The following LSM11 variants were observed in gnomAD, a reference collection of about 807,000 sequenced individuals.
LSM11 encodes the protein LSM11, U7 small nuclear RNA associated, also known as U7 snRNA-associated Sm-like protein LSm11.
LSM11 carries 14 observed loss-of-function variants against 28.1 expected under a neutral mutation model. The ratio of observed to expected loss-of-function variants is 0.50; its 90% CI spans 0.33 to 0.78. LSM11 has a LOEUF of 0.78. Among genes scored for constraint, LSM11 ranks in the 30% least tolerant of loss-of-function variants. The pLI is 0.02. For synonymous variants in LSM11, 207 were observed against 214.2 expected (o/e 0.97, Z 0.30); for missense variants, 495 against 510.6 (o/e 0.97, Z 0.30).
intron 1 of LSM11, among the ~76,000 whole-genome samples, chr5:157,744,644 TGA>T (rs1761119431): frequency 6.6e-6 from 1 of 151,322 alleles, no homozygotes; most frequent in Non-Finnish European, 1.5e-5. Flanking sequence ...GAGACCACAG[TGA>T]GAGGTAAGGT....
chr5:157,752,162 C>CTTTT (rs3045954), intron 2 of LSM11, among the ~76,000 whole-genome samples: 6 of 140,116 alleles, frequency 4.3e-5, no homozygotes, highest in Admixed American at 7.1e-5. Flanking sequence ...TGCATGATGT[C>CTTTT]TTTTTTTTTT....
intron 1 of LSM11, among the ~76,000 whole-genome samples, chr5:157,744,883 A>C (rs1349959051): frequency 6.6e-6 from 1 of 152,246 alleles, no homozygotes; most frequent in African/African-American, 2.4e-5. Flanking sequence ...CTAAGTCACA[A>C]GTGCTGAAAT....
chr5:157,755,666 A>G lies in LSM11; in HGVS notation c.*402A>G. The G allele has an allele frequency of 4.9e-6, 2 of 407,116 alleles. No individual in the cohort carries two copies. The highest frequency in any genetic ancestry group is 8.7e-6 in the Non-Finnish European group (2 of 230,822). The allele number at this position is 407,116 out of a possible 1,614,324, so 25.2% of individuals were successfully genotyped here. On this transcript the variant is annotated 3_prime_UTR_variant, in exon 4 of 4. Coordinates refer to ENST00000286307, the MANE Select transcript of LSM11 (RefSeq NM_173491.4). ...AAGCTAGTGCCCTGAGTACTCATGA[A>G]TTCGATTCCAAGAGTAGTGGTGTAA...
At position 157,755,113 on chromosome 5, in the gene LSM11, GT is replaced by G; in HGVS notation, c.933del (p.Thr312ProfsTer32). 6.2e-7 allele frequency: 1 copy of G among 1,614,228 alleles called. No individual in the cohort carries two copies. The highest frequency in any genetic ancestry group is 2.2e-5 in the East Asian group (1 of 44,884). On this transcript the variant is annotated frameshift_variant, in exon 4 of 4. Coordinates refer to ENST00000286307, the MANE Select transcript of LSM11 (RefSeq NM_173491.4). LOFTEE classifies it high-confidence loss of function. ...TTRTDGSSVG[G>X]TFSRATTLSR... ...CGGACAGACGGCTCCAGTGTGGGAG[GT>G]ACCTTTTCCAGGGCTACCACCCTTT...
In LSM11 at chr5:157,756,746, A is replaced by C. The variant is rs1761334016; in HGVS notation, c.*1482A>C. Reference sequence around the variant, plus strand: ...CCTCACAGGGGCATTGAGAAAAAAAAAATGAAGGCATTTTACAGTCTCTAA... The same window carrying C: ...CCTCACAGGGGCATTGAGAAAAAAACAATGAAGGCATTTTACAGTCTCTAA... On this transcript the variant is annotated 3_prime_UTR_variant, in exon 4 of 4. Coordinates refer to ENST00000286307, the MANE Select transcript of LSM11 (RefSeq NM_173491.4). 1 of 152,630 alleles carries C rather than the reference A, an allele frequency of 6.6e-6. No individual in the cohort carries two copies. Among genetic ancestry groups the C allele is most frequent in the Non-Finnish European group, 1.5e-5 (1 of 68,044 alleles). The allele number at this position is 152,630 out of a possible 1,614,324, so 9.5% of individuals were successfully genotyped here.
At chr5:157,748,366 A>G (rs1330587256) in intron 1 of LSM11, among the ~76,000 whole-genome samples, 1 of 151,520 alleles carries the variant, frequency 6.6e-6, no homozygotes, top group Non-Finnish European at 1.5e-5. Flanking sequence ...GGCTAAAGCA[A>G]CTCCATCTTG....
In LSM11 at chr5:157,755,010, C is replaced by A. The variant is rs149328972; in HGVS notation, c.829C>A (p.Arg277Ser). ...RADTGRGSHK[R>S]SRSVPSSLQA... ...AGACACTGGCCGGGGCTCACACAAG[C>A]GTTCCCGCTCTGTCCCTTCTTCCCT... Residue 277 changes from arginine to serine, a missense_variant, in exon 4 of 4, where the codon CGT becomes AGT. Arg to Ser is a moderately radical substitution (Grantham distance 110). Transcript: ENST00000286307. The A allele has an allele frequency of 2.4e-5, 39 of 1,614,112 alleles. No individual in the cohort carries two copies. The African/African-American group carries it at 4.9e-4, about 20-fold the overall frequency.
chr5:157,743,987 C>A lies in LSM11; in HGVS notation c.237C>A (p.Gly79=), dbSNP rs1335814996. Residue 79 remains glycine, a synonymous_variant, in exon 1 of 4, where the codon GGC becomes GGA. Transcript: ENST00000286307. ...GGGRGRGRAR[G]AAAGSGVPAA... is the part of the protein sequence containing the mutation. Reference sequence around the variant, plus strand: ...GGCGCGGGCGCGGGCGGGCTCGGGGCGCGGCCGCGGGCTCTGGGGTTCCCG... The same window carrying A: ...GGCGCGGGCGCGGGCGGGCTCGGGGAGCGGCCGCGGGCTCTGGGGTTCCCG... 4 of 1,260,610 alleles carry A rather than the reference C, an allele frequency of 3.2e-6. No individual in the cohort carries two copies. Among genetic ancestry groups the A allele is most frequent in the Non-Finnish European group, 3.0e-6 (3 of 1,006,968 alleles). 78.1% of individuals were successfully genotyped at this position (1,260,610 alleles called of 1,614,324 possible).
intron 1 of LSM11, among the ~76,000 whole-genome samples, chr5:157,745,363 G>T (rs2113066857): frequency 6.6e-6 from 1 of 152,256 alleles, no homozygotes; most frequent in South Asian, 2.1e-4. Flanking sequence ...GCTGTTCCGT[G>T]TGCCTTCGTT....
At chr5:157,747,555 T>C (rs1761165850) in intron 1 of LSM11, 1 of 228,512 alleles carries the variant, frequency 4.4e-6, no homozygotes, top group African/African-American at 2.3e-5. Flanking sequence ...AAACCTGATT[T>C]ATTGGGCCTC....
rs139309711 is a variant in LSM11, at chr5:157,755,057, G to T, written c.876G>T (p.Glu292Asp). 6.2e-7 allele frequency: 1 copy of T among 1,614,222 alleles called. No homozygotes were observed. The highest frequency in any genetic ancestry group is 1.7e-5 in the Admixed American group (1 of 60,030). Residue 292 changes from glutamate (E) to aspartate (D), a missense_variant, in exon 4 of 4, where the codon GAG (glutamate) becomes GAT (aspartate). Transcript: ENST00000286307. ...CCCTGCAGGCCTCTGCAAGGGAGGA[G>T]TCCAGGTCAGAGCTGTCAGGGAGGA... ...PSSLQASARE[E>D]SRSELSGRTT...
rs1357423311 is a variant in LSM11, at chr5:157,759,061, C to G, written c.*3797C>G. 2.0e-5 allele frequency: 3 copies of G among 152,220 alleles called. No homozygotes were observed. Among genetic ancestry groups the G allele is most frequent in the Non-Finnish European group, 2.9e-5 (2 of 68,060 alleles). The allele number at this position is 152,220 out of a possible 1,614,324, so 9.4% of individuals were successfully genotyped here. A position where few individuals can be genotyped will look rare whatever the true frequency, so the allele number is the denominator to read the frequency against. ...CTGTGAGATGGTTAGCTAGAGTTAG[C>G]AGTGTCCGGGGAGAGTGGCTTTAGA... On this transcript the variant is annotated 3_prime_UTR_variant, in exon 4 of 4. Transcript: ENST00000286307.
intron 2 of LSM11, among the ~76,000 whole-genome samples, chr5:157,752,284 C>T (rs1220844441): frequency 1.3e-5 from 2 of 151,826 alleles, no homozygotes; most frequent in Non-Finnish European, 2.9e-5. Flanking sequence ...CCCCTGCCAC[C>T]ATGCCCAGCT....
chr5:157,753,870 G>T, intron 2 of LSM11, 134 bp from the exon 3 acceptor site: 1 of 476,564 alleles, frequency 2.1e-6, no homozygotes. Context: ...TTCTGCCTAG[G>T]AGCTGAGTCA....
intron 2 of LSM11, among the ~76,000 whole-genome samples, chr5:157,752,870 C>T (rs1222001302): frequency 6.8e-6 from 1 of 147,010 alleles, no homozygotes; most frequent in African/African-American, 2.5e-5. Flanking sequence ...AAAAAAGAAC[C>T]ACCAGAGCTT....
chr5:157,757,289 A>G lies in LSM11; in HGVS notation c.*2025A>G, dbSNP rs532090607. 10 of 152,290 alleles carry G rather than the reference A, an allele frequency of 6.6e-5. No homozygotes were observed. The highest frequency in any genetic ancestry group is 2.4e-4 in the African/African-American group (10 of 41,556). The allele number at this position is 152,290 out of a possible 1,614,324, so 9.4% of individuals were successfully genotyped here. A position where few individuals can be genotyped will look rare whatever the true frequency, so the allele number is the denominator to read the frequency against. The stretch of plus-strand genomic sequence containing the variant: ...TTCCATTCCTTCCTCCTAAGGGACA[A>G]TGGAAGTTCTCAGAAGAGTATCTTC... On this transcript the variant is annotated 3_prime_UTR_variant, in exon 4 of 4. Coordinates refer to ENST00000286307, the MANE Select transcript of LSM11 (RefSeq NM_173491.4).
chr5:157,747,698 G>T (rs939836737), intron 1 of LSM11: 1 of 153,446 alleles, frequency 6.5e-6, no homozygotes, highest in African/African-American at 2.4e-5. Flanking sequence ...GGATAACTTT[G>T]ACTTCACTTC....
At chr5:157,744,677 T>G (rs1761119862) in intron 1 of LSM11, among the ~76,000 whole-genome samples, 1 of 151,556 alleles carries the variant, frequency 6.6e-6, no homozygotes, top group South Asian at 2.1e-4. Context: ...ACGGGAGACG[T>G]GGGGGAGCGC....
chr5:157,745,315 ATTTG>A (rs1761131212), intron 1 of LSM11, among the ~76,000 whole-genome samples: 1 of 152,118 alleles, frequency 6.6e-6, no homozygotes, highest in Non-Finnish European at 1.5e-5. Context: ...ATTCCTAGAA[ATTTG>A]TTTATTAAGA....
Sources: gnomAD v4.1 joint callset for allele counts (sites outside exome capture counted in the v4.1 genomes callset) on GRCh38, gnomAD v4.1.1 for gene constraint, MANE v1.5 for transcripts, NCBI Gene and HGNC (gene_info 2026-07-23, HGNC 2026-07-21) for gene names.